PKD2L1: variants seen among roughly 807,000 people sequenced by gnomAD.
PKD2L1 encodes the protein polycystin 2 like 1, transient receptor potential cation channel, also known as polycystin-2-like protein 1.
PKD2L1 carries 77 observed loss-of-function variants against 93.0 expected under a neutral mutation model. That is an observed-to-expected ratio of 0.83 (90% CI 0.69 to 1.00). The LOEUF is 1.00. PKD2L1 is among the 50% of genes least tolerant of loss of function. The pLI, the probability that PKD2L1 is intolerant of heterozygous loss-of-function variation, is 0.00. For missense variants in PKD2L1, 977 were observed against 990.9 expected (o/e 0.99, Z 0.19); for synonymous variants, 390 against 388.0 (o/e 1.01, Z -0.06).
chr10:100,304,914 C>T (rs1392544659), intron 2 of PKD2L1, among the ~76,000 whole-genome samples: 1 of 152,184 alleles, frequency 6.6e-6, no homozygotes, highest in Admixed American at 6.5e-5. Context: ...CTGCCACTTA[C>T]AGTATAGACT....
At chr10:100,322,474 T>C (rs1849283718) in intron 2 of PKD2L1, among the ~76,000 whole-genome samples, 1 of 149,958 alleles carries the variant, frequency 6.7e-6, no homozygotes, top group Non-Finnish European at 1.5e-5. Context: ...CCAGACTCTG[T>C]CTCAAAAAAA....
At chr10:100,327,449 G>C (rs146644779) in intron 2 of PKD2L1, among the ~76,000 whole-genome samples, 181 of 152,290 alleles carry the variant, frequency 1.2e-3, no homozygotes, top group African/African-American at 4.2e-3. Flanking sequence ...GAGTGGATTG[G>C]ACTCCTGGAC....
chr10:100,311,086 T>C (rs1004709332), intron 2 of PKD2L1, among the ~76,000 whole-genome samples: 9 of 152,234 alleles, frequency 5.9e-5, no homozygotes, highest in African/African-American at 2.2e-4. Context: ...ATGCTCCTTA[T>C]ATAAAAACCA....
Position 100,291,428 on chromosome 10 carries a change from C to T in PKD2L1, c.1881-1G>A. ...GATTTCATGCTCTGCGTGTCCCAGTCTGAGAAGAGGATGATGAAATGATTT... is the reference window on the plus strand; with the variant it reads ...GATTTCATGCTCTGCGTGTCCCAGTTTGAGAAGAGGATGATGAAATGATTT... On this transcript the variant is annotated splice_acceptor_variant, in intron 11 of 15. Coordinates refer to ENST00000318222, the MANE Select transcript of PKD2L1 (RefSeq NM_016112.3). LOFTEE classifies it high-confidence loss of function. 6.2e-7 allele frequency: 1 copy of T among 1,613,884 alleles called. No individual in the cohort carries two copies. Among genetic ancestry groups the T allele is most frequent in the South Asian group, 1.1e-5 (1 of 91,040 alleles).
chr10:100,293,239 G>A (rs764715057), intron 10 of PKD2L1, 42 bp downstream of exon 10: 75 of 1,521,824 alleles, frequency 4.9e-5, no homozygotes, highest in Non-Finnish European at 6.8e-5. Context: ...TTAGACTGGG[G>A]CACTGATGGA....
At chr10:100,304,444 A>G (rs936477157) in intron 2 of PKD2L1, among the ~76,000 whole-genome samples, 2 of 152,202 alleles carry the variant, frequency 1.3e-5, no homozygotes, top group Non-Finnish European at 2.9e-5. Flanking sequence ...TTCAAATTCT[A>G]CAATGTATAA....
intron 2 of PKD2L1, among the ~76,000 whole-genome samples, chr10:100,312,840 T>C (rs1002473572): frequency 7.2e-5 from 11 of 151,750 alleles, no homozygotes; most frequent in South Asian, 4.2e-4. Flanking sequence ...ATGAAGAGTC[T>C]TCTTCTCTAG....
At chr10:100,301,467 G>A (rs1001906719) in intron 2 of PKD2L1, among the ~76,000 whole-genome samples, 13 of 149,838 alleles carry the variant, frequency 8.7e-5, no homozygotes, top group Non-Finnish European at 1.5e-4. Flanking sequence ...CCCCCCCCGG[G>A]AATGCATTCT....
intron 2 of PKD2L1, among the ~76,000 whole-genome samples, chr10:100,301,430 A>T (rs1848670887): frequency 6.8e-6 from 1 of 147,656 alleles, no homozygotes; most frequent in East Asian, 2.0e-4. Context: ...TAAGGCAGAC[A>T]CCCCCAGAGC....
chr10:100,301,542 C>A (rs181677721), intron 2 of PKD2L1, among the ~76,000 whole-genome samples: 147 of 151,514 alleles, frequency 9.7e-4, no homozygotes, highest in Middle Eastern at 6.8e-3. Context: ...ATTTATCTTA[C>A]CCGTTTTCAG....
intron 4 of PKD2L1, 96 bp from the exon 5 acceptor site, chr10:100,297,702 TTGTGTGTG>T (rs60373525): frequency 0.015 from 9,193 of 605,832 alleles, 48 homozygotes; most frequent in Middle Eastern, 0.055. Context: ...GGTTTACATA[TTGTGTGTG>T]TGTGTGTGTG....
chr10:100,326,535 C>T (rs1849383717), intron 2 of PKD2L1, among the ~76,000 whole-genome samples: 1 of 152,218 alleles, frequency 6.6e-6, no homozygotes, highest in Non-Finnish European at 1.5e-5. Flanking sequence ...CTGGGTACAA[C>T]AGAAATAATG....
chr10:100,297,703 TGTGTGTGTG>T, intron 4 of PKD2L1, 97 bp from the exon 5 acceptor site: 1 of 22,924 alleles, frequency 4.4e-5, no homozygotes, highest in East Asian at 1.8e-3. Context: ...GTTTACATAT[TGTGTGTGTG>T]TGTGTGTGTG....
chr10:100,313,420 A>G (rs996352156), intron 2 of PKD2L1, among the ~76,000 whole-genome samples: 21 of 152,336 alleles, frequency 1.4e-4, no homozygotes, highest in African/African-American at 4.1e-4. Flanking sequence ...GGTCACCCCA[A>G]TTGGATTGCC....
At chr10:100,329,626 C>A (rs554046113) in intron 1 of PKD2L1, among the ~76,000 whole-genome samples, 13 of 152,316 alleles carry the variant, frequency 8.5e-5, no homozygotes, top group African/African-American at 3.1e-4. Flanking sequence ...CAAACCAGCT[C>A]CCACATACCT....
Position 100,297,013 on chromosome 10 carries a change from G to T in PKD2L1, c.1152C>A (p.Ser384Arg). Reference sequence around the variant, plus strand: ...CCACCAGGTCCAGTATGTTCCAGATGCTGCTGAGGTAGCGAAGCCGGTGAA... The same window carrying T: ...CCACCAGGTCCAGTATGTTCCAGATTCTGCTGAGGTAGCGAAGCCGGTGAA... ...LHIHRLRYLS[S>R]IWNILDLVVI... Residue 384 changes from serine (S) to arginine (R), a missense_variant, in exon 6 of 16, where the codon AGC (serine) becomes AGA (arginine). Ser to Arg is a moderately radical substitution (Grantham distance 110). Transcript: ENST00000318222. 1 of 1,613,636 alleles carries T rather than the reference G, an allele frequency of 6.2e-7. No individual in the cohort carries two copies.
rs936807651 is a variant in PKD2L1 at position 100,329,400 on chromosome 10, G to A, written c.236-76C>T. ...CAGTCATCCCCACCCATCTGTCTCT[G>A]GACTTTAGCCCCTTTCCACCCCTGC... is the stretch of plus-strand genomic sequence containing the variant. On this transcript the variant is annotated intron_variant, in intron 1 of 15. Coordinates refer to ENST00000318222, the MANE Select transcript of PKD2L1 (RefSeq NM_016112.3). The A allele has an allele frequency of 5.0e-5, 81 of 1,606,088 alleles. No homozygotes were observed. The African/African-American group carries it at 1.0e-3, about 20-fold the overall frequency.
chr10:100,306,308 T>C (rs17669480), intron 2 of PKD2L1, among the ~76,000 whole-genome samples: 18,565 of 152,170 alleles, frequency 0.12, 1,167 homozygotes, highest in Admixed American at 0.15. Context: ...TTGTCTTCAA[T>C]AGAAATGTCA....
chr10:100,294,411 G>A (rs762837785), intron 9 of PKD2L1, 124 bp downstream of exon 9: 20 of 1,003,628 alleles, frequency 2.0e-5, no homozygotes, highest in African/African-American at 3.2e-5. Flanking sequence ...TCCAGACATC[G>A]GCCCCCCCAC....
Sources: allele counts gnomAD v4.1 joint callset (sites outside exome capture counted in the v4.1 genomes callset), GRCh38; gene constraint gnomAD v4.1.1; transcripts MANE v1.5; gene names NCBI Gene and HGNC (gene_info 2026-07-23, HGNC 2026-07-21).